The following CDH12 variants were observed in gnomAD, a reference collection of about 807,000 sequenced individuals.
CDH12 encodes the protein cadherin 12.
Under a neutral mutation model 74.1 loss-of-function variants are expected in CDH12, and 41 were observed. The observed-to-expected ratio is 0.55, with a 90% CI of 0.43 to 0.72. CDH12 has a LOEUF of 0.72. Ranked by LOEUF, CDH12 falls within the 30% of genes least tolerant of loss-of-function variation. CDH12 has a pLI of 0.00. For synonymous variants in CDH12, 399 were observed against 355.0 expected, an observed-to-expected ratio of 1.12 and a Z score of -1.39; for missense variants, 945 against 977.2, an observed-to-expected ratio of 0.97 and a Z score of 0.44.
In CDH12 at chr5:22,244,748, GAAAGAAAGA is replaced by G. The variant is rs1462362472; in HGVS notation, c.-332-32114_-332-32106del. 2.7e-4 allele frequency among the ~76,000 whole-genome samples: 11 copies of G among 40,374 alleles called. No individual in the cohort carries two copies. In the East Asian group the frequency reaches 6.4e-3, roughly 23 times the overall value. The allele number at this position is 40,374 out of a possible 152,430, so 26.5% of individuals were successfully genotyped here. A position where few individuals can be genotyped will look rare whatever the true frequency, so the allele number is the denominator to read the frequency against. The stretch of plus-strand genomic sequence containing the variant: ...AAGAAAAAGAAAGAAAGAAAAGAAA[GAAAGAAAGA>G]AAGAAAGAAAGAAAGAAAGAAAGAA... On this transcript the variant is annotated intron_variant, in intron 3 of 14. Coordinates refer to ENST00000382254, the MANE Select transcript of CDH12 (RefSeq NM_004061.5).
chr5:21,885,815 T>G (rs1752599978), intron 6 of CDH12, among the ~76,000 whole-genome samples: 3 of 152,174 alleles, frequency 2.0e-5, no homozygotes, highest in Admixed American at 2.0e-4. Flanking sequence ...AAATCTTATT[T>G]TTTAAGTAGT....
chr5:22,768,732 C>A (rs940098621), intron 1 of CDH12, among the ~76,000 whole-genome samples: 4 of 152,002 alleles, frequency 2.6e-5, no homozygotes, highest in African/African-American at 7.2e-5. Context: ...CCTATTTGGT[C>A]ATCAAAAACC....
At chr5:22,194,931 C>T (rs1479778237) in intron 4 of CDH12, among the ~76,000 whole-genome samples, 3 of 152,000 alleles carry the variant, frequency 2.0e-5, no homozygotes, top group Admixed American at 6.6e-5. Context: ...AAGCGAGCAC[C>T]TTGGGAGTTT....
At chr5:22,762,400 A>C (rs1746274073) in intron 1 of CDH12, among the ~76,000 whole-genome samples, 1 of 152,130 alleles carries the variant, frequency 6.6e-6, no homozygotes. Context: ...TTCTTAAAAA[A>C]GTATTAAAAT....
chr5:22,770,372 C>T (rs1031120711), intron 1 of CDH12, among the ~76,000 whole-genome samples: 2 of 152,090 alleles, frequency 1.3e-5, no homozygotes, highest in Admixed American at 1.3e-4. Flanking sequence ...ATTCTGTCAG[C>T]AACTCCTGTA....
intron 4 of CDH12, among the ~76,000 whole-genome samples, chr5:22,102,685 TAAATAAA>T (rs1744207466): frequency 2.0e-5 from 3 of 151,424 alleles, no homozygotes; most frequent in African/African-American, 4.9e-5. Context: ...AATAAATAAA[TAAATAAA>T]TACATAAATA....
intron 1 of CDH12, among the ~76,000 whole-genome samples, chr5:22,569,537 T>C (rs542316016): frequency 6.6e-6 from 1 of 152,284 alleles, no homozygotes; most frequent in South Asian, 2.1e-4. Context: ...ACAAGAATGG[T>C]CTCGCACACC....
chr5:21,875,500 A>G (rs892517191), intron 6 of CDH12, among the ~76,000 whole-genome samples: 14 of 145,296 alleles, frequency 9.6e-5, no homozygotes, highest in Admixed American at 9.6e-4. Flanking sequence ...ATCGTGTCTG[A>G]ACTCTTCCCA....
At chr5:22,147,620 C>T (rs937336466) in intron 4 of CDH12, among the ~76,000 whole-genome samples, 15 of 149,810 alleles carry the variant, frequency 1.0e-4, no homozygotes, top group Admixed American at 4.7e-4. Flanking sequence ...TTAATGGACT[C>T]ATAGTTCCAC....
chr5:22,012,022 G>A (rs1737326528), intron 5 of CDH12, among the ~76,000 whole-genome samples: 1 of 151,994 alleles, frequency 6.6e-6, no homozygotes, highest in Non-Finnish European at 1.5e-5. Flanking sequence ...TTGAAGTGCA[G>A]ATTAATGGTT....
chr5:22,560,606 CA>C (rs1189395927), intron 1 of CDH12, among the ~76,000 whole-genome samples: 1 of 151,080 alleles, frequency 6.6e-6, no homozygotes, highest in Non-Finnish European at 1.5e-5. Context: ...TAAATATTTG[CA>C]ATATTTAAAA....
intron 5 of CDH12, among the ~76,000 whole-genome samples, chr5:22,005,422 T>C (rs1213973933): frequency 6.6e-6 from 1 of 152,192 alleles, no homozygotes; most frequent in African/African-American, 2.4e-5. Context: ...CTATTATGAA[T>C]AGTGCTGCAA....
chr5:22,122,029 A>G (rs1254058224), intron 4 of CDH12, among the ~76,000 whole-genome samples: 2 of 148,164 alleles, frequency 1.3e-5, no homozygotes, highest in African/African-American at 2.5e-5. Flanking sequence ...GGCAGCAATT[A>G]AAAAAAAAAT....
intron 10 of CDH12, among the ~76,000 whole-genome samples, chr5:21,788,181 G>A (rs1461688901): frequency 6.6e-6 from 1 of 152,184 alleles, no homozygotes; most frequent in Non-Finnish European, 1.5e-5. Context: ...AAGAGAGATA[G>A]TAGAGAAGGC....
At position 22,163,970 on chromosome 5, in the gene CDH12, A is replaced by T. The variant is rs532476676; in HGVS notation, c.-187+48528T>A. On this transcript the variant is annotated intron_variant, in intron 4 of 14. Coordinates refer to ENST00000382254, the MANE Select transcript of CDH12 (RefSeq NM_004061.5). ...CACAATTTCATACTCATATAGTTAC[A>T]TAATTCACATTATGTTAATCAGGAA... 6.7e-4 allele frequency among the ~76,000 whole-genome samples: 102 copies of T among 152,326 alleles called. 2 individuals carry two copies. Among genetic ancestry groups the T allele is most frequent in the African/African-American group, 2.3e-3 (96 of 41,574 alleles).
intron 6 of CDH12, among the ~76,000 whole-genome samples, chr5:21,973,564 C>T (rs140427512): frequency 0.011 from 1,628 of 152,190 alleles, 8 homozygotes; most frequent in Non-Finnish European, 0.015. Context: ...TCCAAGGAGA[C>T]GGAATTTTCC....
chr5:21,874,754 G>A (rs1158946791), intron 6 of CDH12, among the ~76,000 whole-genome samples: 1 of 152,160 alleles, frequency 6.6e-6, no homozygotes, highest in Non-Finnish European at 1.5e-5. Context: ...GGGTAGAAGG[G>A]TGTCCGCCGC....
At chr5:22,452,901 A>AAAAAAAAAAAAAAT (rs1561415313) in intron 2 of CDH12, among the ~76,000 whole-genome samples, 5 of 125,938 alleles carry the variant, frequency 4.0e-5, no homozygotes, top group Admixed American at 1.1e-4. Context: ...AAAAAAAAAA[A>AAAAAAAAAAAAAAT]AAATGAGTTA....
At chr5:22,825,925 A>G (rs1222850528) in intron 1 of CDH12, among the ~76,000 whole-genome samples, 1 of 152,204 alleles carries the variant, frequency 6.6e-6, no homozygotes, top group African/African-American at 2.4e-5. Context: ...GTCTGCATAT[A>G]TATTTTAGGA....
Sources: gnomAD v4.1 joint callset for allele counts (sites outside exome capture counted in the v4.1 genomes callset) on GRCh38, gnomAD v4.1.1 for gene constraint, MANE v1.5 for transcripts, NCBI Gene and HGNC (gene_info 2026-07-23, HGNC 2026-07-21) for gene names.